Variants in SPATA17 observed in about 807,000 individuals in gnomAD.
SPATA17 encodes the protein spermatogenesis associated 17, also known as spermatogenesis-associated protein 17.
SPATA17 carries 53 observed loss-of-function variants against 62.2 expected under a neutral mutation model. The ratio of observed to expected loss-of-function variants is 0.85; its 90% CI spans 0.68 to 1.07. The LOEUF (loss-of-function observed/expected upper bound fraction) is 1.07. SPATA17 is among the 50% of genes least tolerant of loss of function. The probability of loss-of-function intolerance (pLI) is 0.00; values close to 1 mark genes in which losing one functional copy is unlikely to be tolerated. For synonymous variants in SPATA17, 146 were observed against 146.8 expected (o/e 0.99, Z 0.04); for missense variants, 466 against 425.5 (o/e 1.10, Z -0.84).
At chr1:217,821,686 T>C (rs534028182) in intron 9 of SPATA17, among the ~76,000 whole-genome samples, 1 of 142,762 alleles carries the variant, frequency 7.0e-6, no homozygotes, top group East Asian at 1.9e-4. Flanking sequence ...GTATCTTTTA[T>C]TTTTTAAGAT....
chr1:217,633,377 TATCTATTTATTAGATA>T (rs1558544963), intron 1 of SPATA17, among the ~76,000 whole-genome samples: 3 of 150,868 alleles, frequency 2.0e-5, no homozygotes, highest in Non-Finnish European at 4.4e-5. Flanking sequence ...ATGTAGAAAT[TATCTATTTATTAGATA>T]ATCTATATTT....
At chr1:217,650,352 G>T (rs1670281397) in intron 2 of SPATA17, among the ~76,000 whole-genome samples, 1 of 152,094 alleles carries the variant, frequency 6.6e-6, no homozygotes, top group African/African-American at 2.4e-5. Context: ...AGGATTACAG[G>T]AAAAGAATGA....
At chr1:217,719,250 T>A (rs183460079) in intron 5 of SPATA17, among the ~76,000 whole-genome samples, 55 of 152,386 alleles carry the variant, frequency 3.6e-4, no homozygotes, top group African/African-American at 1.3e-3. Context: ...AACTTTTCAC[T>A]ATACCCGTGT....
intron 6 of SPATA17, among the ~76,000 whole-genome samples, chr1:217,758,978 A>G (rs1004318532): frequency 1.3e-4 from 20 of 152,126 alleles, no homozygotes; most frequent in Non-Finnish European, 2.5e-4. Flanking sequence ...GCATCAAAGA[A>G]CTATGAGGCT....
At chr1:217,780,530 C>T (rs1050516906) in intron 7 of SPATA17, among the ~76,000 whole-genome samples, 1 of 152,016 alleles carries the variant, frequency 6.6e-6, no homozygotes, top group Non-Finnish European at 1.5e-5. Context: ...GTAGAGTAAG[C>T]CTACAAGTAG....
chr1:217,661,707 G>T (rs1670574348), intron 3 of SPATA17, among the ~76,000 whole-genome samples: 1 of 152,106 alleles, frequency 6.6e-6, no homozygotes, highest in Non-Finnish European at 1.5e-5. Flanking sequence ...GAACTGTTGG[G>T]TCACAACTGT....
chr1:217,871,159 GAAAT>G lies in SPATA17; in HGVS notation c.*4147_*4150del, dbSNP rs1338006189. ...TGCTTGCGTAAAGTGTTCCTTTTGG[GAAAT>G]AAATAATCTTTCATATCTGTAAACT... On this transcript the variant is annotated 3_prime_UTR_variant, in exon 11 of 11. Coordinates refer to ENST00000366933, the MANE Select transcript of SPATA17 (RefSeq NM_138796.4). 1 of 152,076 alleles carries G rather than the reference GAAAT, an allele frequency of 6.6e-6. No homozygotes were observed. Among genetic ancestry groups the G allele is most frequent in the Non-Finnish European group, 1.5e-5 (1 of 68,004 alleles). 9.4% of individuals were successfully genotyped at this position (152,076 alleles called of 1,614,324 possible). A position where few individuals can be genotyped will look rare whatever the true frequency, so the allele number is the denominator to read the frequency against.
chr1:217,666,980 C>CT (rs1670709656), intron 3 of SPATA17, among the ~76,000 whole-genome samples: 1 of 147,798 alleles, frequency 6.8e-6, no homozygotes. Flanking sequence ...AAATCTGAAT[C>CT]TTTTTTTCCT....
At chr1:217,766,064 G>A (rs948921786) in intron 6 of SPATA17, among the ~76,000 whole-genome samples, 1 of 151,692 alleles carries the variant, frequency 6.6e-6, no homozygotes, top group Non-Finnish European at 1.5e-5. Flanking sequence ...TTTGAAGTGG[G>A]TTTCTTTTAG....
chr1:217,864,693 T>C (rs906196100), intron 10 of SPATA17, among the ~76,000 whole-genome samples: 2 of 152,136 alleles, frequency 1.3e-5, no homozygotes, highest in African/African-American at 4.8e-5. Context: ...TTTTTGATGT[T>C]TTAATGCAAC....
At chr1:217,828,555 C>T in intron 9 of SPATA17, among the ~76,000 whole-genome samples, 1 of 140,040 alleles carries the variant, frequency 7.1e-6, no homozygotes, top group Non-Finnish European at 1.6e-5. Flanking sequence ...AAAAAGGCTA[C>T]CAAAACAAAA....
intron 5 of SPATA17, among the ~76,000 whole-genome samples, chr1:217,724,857 A>G (rs1282596492): frequency 6.6e-6 from 1 of 151,812 alleles, no homozygotes; most frequent in Non-Finnish European, 1.5e-5. Context: ...TTCCCTGTGC[A>G]CTTGTAAAAA....
At chr1:217,722,269 A>G (rs1484404608) in intron 5 of SPATA17, among the ~76,000 whole-genome samples, 1 of 152,200 alleles carries the variant, frequency 6.6e-6, no homozygotes, top group Non-Finnish European at 1.5e-5. Flanking sequence ...CAAATTGGCA[A>G]TGGTTTTGGA....
intron 7 of SPATA17, among the ~76,000 whole-genome samples, chr1:217,774,933 T>C (rs571016370): frequency 2.6e-4 from 40 of 152,370 alleles, no homozygotes; most frequent in African/African-American, 9.4e-4. Context: ...ACACTTTATG[T>C]ATTGTGAATA....
At chr1:217,650,498 C>T (rs1208375611) in intron 2 of SPATA17, among the ~76,000 whole-genome samples, 1 of 151,970 alleles carries the variant, frequency 6.6e-6, no homozygotes, top group Non-Finnish European at 1.5e-5. Flanking sequence ...CTCACTGCAA[C>T]CTCTGCCTCC....
chr1:217,811,715 G>T (rs1674595196), intron 9 of SPATA17, among the ~76,000 whole-genome samples: 1 of 150,300 alleles, frequency 6.7e-6, no homozygotes, highest in Non-Finnish European at 1.5e-5. Context: ...AAAAAACTAT[G>T]TCTCTGTGTG....
At position 217,689,615 on chromosome 1, in the gene SPATA17, A is replaced by G. The variant is rs1671301656; in HGVS notation, c.395+6254A>G. Among the ~76,000 whole-genome samples the G allele has an allele frequency of 2.0e-5, 3 of 152,150 alleles. No homozygotes were observed. In the South Asian group the frequency reaches 6.2e-4, roughly 31 times the overall value. On this transcript the variant is annotated intron_variant, in intron 5 of 10. Transcript: ENST00000366933. ...TCTCAAAAATCTCTGACTTTCAGAG[A>G]TCACTCTATCCTCTAATATTCAAAA...
Position 217,726,269 on chromosome 1 carries a change from G to C in SPATA17, c.396-15706G>C, listed in dbSNP as rs569280205. Among the ~76,000 whole-genome samples the C allele has an allele frequency of 2.0e-5, 3 of 152,316 alleles. No individual in the cohort carries two copies. The South Asian group carries it at 6.2e-4, about 32-fold the overall frequency. ...ATATTGATTTCATGAAGTGGGATTA[G>C]TGTGAAGTTCTACTGCTCATAAACT... On this transcript the variant is annotated intron_variant, in intron 5 of 10. Coordinates refer to ENST00000366933, the MANE Select transcript of SPATA17 (RefSeq NM_138796.4).
intron 5 of SPATA17, among the ~76,000 whole-genome samples, chr1:217,707,101 G>A (rs1262202864): frequency 6.6e-6 from 1 of 152,008 alleles, no homozygotes; most frequent in Non-Finnish European, 1.5e-5. Flanking sequence ...TCCTGACCTC[G>A]TAATCGGCCC....
Sources: allele counts gnomAD v4.1 joint callset (sites outside exome capture counted in the v4.1 genomes callset), GRCh38; gene constraint gnomAD v4.1.1; transcripts MANE v1.5; gene names NCBI Gene and HGNC (gene_info 2026-07-23, HGNC 2026-07-21).